CNOT4: variants seen among roughly 807,000 people sequenced by gnomAD.
CNOT4 encodes CCR4-NOT transcription complex subunit 4, also known as CCR4-associated factor 4.
Under a neutral mutation model 73.8 loss-of-function variants are expected in CNOT4, and 8 were observed. That is an observed-to-expected ratio of 0.11 (90% CI 0.06 to 0.20). CNOT4 has a LOEUF of 0.20. CNOT4 is among the 10% of genes least tolerant of loss of function. CNOT4 has a pLI of 1.00. For synonymous variants in CNOT4, 293 were observed against 321.1 expected (o/e 0.91, Z 0.94); for missense variants, 564 against 883.4 (o/e 0.64, Z 4.58).
At chr7:135,466,996 T>G (rs1478379552) in intron 1 of CNOT4, among the ~76,000 whole-genome samples, 1 of 152,218 alleles carries the variant, frequency 6.6e-6, no homozygotes, top group Non-Finnish European at 1.5e-5. Context: ...AAGCGATGCA[T>G]AACTGTACAT....
chr7:135,505,131 A>G (rs1804279231), intron 1 of CNOT4, among the ~76,000 whole-genome samples: 1 of 152,180 alleles, frequency 6.6e-6, no homozygotes, highest in African/African-American at 2.4e-5. Flanking sequence ...TTGAACAGTT[A>G]TCTGACATAC....
intron 1 of CNOT4, among the ~76,000 whole-genome samples, chr7:135,450,851 G>A (rs1403894653): frequency 6.6e-6 from 1 of 152,146 alleles, no homozygotes; most frequent in Non-Finnish European, 1.5e-5. Context: ...GAATGGTCGG[G>A]AGGTCAAGGC....
At chr7:135,481,926 G>A (rs1473360758) in intron 1 of CNOT4, among the ~76,000 whole-genome samples, 1 of 152,186 alleles carries the variant, frequency 6.6e-6, no homozygotes, top group Non-Finnish European at 1.5e-5. Flanking sequence ...ACTAGAGGCT[G>A]CAGAGGGTGG....
chr7:135,434,951 A>G (rs59260984), intron 2 of CNOT4, among the ~76,000 whole-genome samples: 3,158 of 152,236 alleles, frequency 0.021, 114 homozygotes, highest in African/African-American at 0.072. Flanking sequence ...GAATCTTTGC[A>G]TGTGTGAAAA....
At chr7:135,370,059 A>C (rs958401786) in intron 10 of CNOT4, among the ~76,000 whole-genome samples, 2 of 152,232 alleles carry the variant, frequency 1.3e-5, no homozygotes, top group Non-Finnish European at 2.9e-5. Flanking sequence ...AGACATTATA[A>C]AATCAGTTTA....
chr7:135,410,977 G>T (rs1388644100), intron 6 of CNOT4, among the ~76,000 whole-genome samples: 1 of 151,818 alleles, frequency 6.6e-6, no homozygotes, highest in African/African-American at 2.4e-5. Context: ...CTCAAAAAGT[G>T]TAAGGTCCAC....
At position 135,463,544 on chromosome 7, in the gene CNOT4, CAA is replaced by C. The variant is rs34696755; in HGVS notation, c.-92-25123_-92-25122del. Among the ~76,000 whole-genome samples, 176 of 103,728 alleles carry C rather than the reference CAA, an allele frequency of 1.7e-3. No individual in the cohort carries two copies. In the Middle Eastern group the frequency reaches 0.019, roughly 11 times the overall value. The allele number at this position is 103,728 out of a possible 152,430, so 68.0% of individuals were successfully genotyped here. ...GACAGTGAGACTTCATCCCCCCACC[CAA>C]AAAAAAAAAAAAAAACCAACCAACC... On this transcript the variant is annotated intron_variant, in intron 1 of 11. Transcript: ENST00000541284.
chr7:135,405,042 C>G (rs1797205373), intron 7 of CNOT4, among the ~76,000 whole-genome samples: 1 of 152,166 alleles, frequency 6.6e-6, no homozygotes, highest in African/African-American at 2.4e-5. Context: ...TTTACCTCTT[C>G]TAGACTGAAG....
At chr7:135,389,157 CA>C (rs11292254) in intron 10 of CNOT4, among the ~76,000 whole-genome samples, 37,583 of 83,520 alleles carry the variant, frequency 0.45, 4,986 homozygotes, top group Admixed American at 0.56. Context: ...AACATACTAC[CA>C]AAAAAAAAAA....
chr7:135,397,530 T>C (rs1412868945), intron 8 of CNOT4, among the ~76,000 whole-genome samples: 2 of 152,010 alleles, frequency 1.3e-5, no homozygotes. Flanking sequence ...CTGGCTATTC[T>C]TTACGGGAGA....
In CNOT4 at chr7:135,415,167, AT is replaced by A. The variant is rs1242139125; in HGVS notation, c.459+8del. The A allele has an allele frequency of 6.4e-7, 1 of 1,560,086 alleles. No individual in the cohort carries two copies. Among genetic ancestry groups the A allele is most frequent in the South Asian group, 1.1e-5 (1 of 89,402 alleles). On this transcript the variant is annotated splice_region_variant and intron_variant, in intron 4 of 11. Coordinates refer to ENST00000541284, the MANE Select transcript of CNOT4 (RefSeq NM_001190850.2). The stretch of plus-strand genomic sequence containing the variant: ...GGGAGGAAAAGCAAAAATCCCTAAA[AT>A]TAGTTACCTGTGAGCCTGCATATGA...
At chr7:135,432,603 G>A (rs1028288640) in intron 2 of CNOT4, among the ~76,000 whole-genome samples, 2 of 152,168 alleles carry the variant, frequency 1.3e-5, no homozygotes, top group African/African-American at 4.8e-5. Context: ...GGGCACAGCT[G>A]TCATCCTTTC....
At position 135,394,691 on chromosome 7, in the gene CNOT4, C is replaced by T. The variant is rs1253443724; in HGVS notation, c.1130-276G>A. On this transcript the variant is annotated intron_variant, in intron 9 of 11. Transcript: ENST00000541284. ...AAATGTACTTGACACTCCAATTATA[C>T]TCTCAACCATTCATAATCAAAACCA... Among the ~76,000 whole-genome samples the T allele has an allele frequency of 2.0e-5, 3 of 152,176 alleles. No individual in the cohort carries two copies. The South Asian group carries it at 6.2e-4, about 32-fold the overall frequency.
intron 3 of CNOT4, among the ~76,000 whole-genome samples, 167 bp downstream of exon 3, chr7:135,421,989 A>C (rs1378179804): frequency 6.6e-6 from 1 of 152,206 alleles, no homozygotes; most frequent in African/African-American, 2.4e-5. Flanking sequence ...TAAGATCACG[A>C]CTGGTCATTG....
intron 7 of CNOT4, among the ~76,000 whole-genome samples, chr7:135,402,255 G>A (rs926628566): frequency 5.9e-5 from 9 of 151,892 alleles, no homozygotes; most frequent in Non-Finnish European, 1.2e-4. Flanking sequence ...GATTACGGAT[G>A]TATGCCACCA....
At chr7:135,403,088 A>C (rs963431102) in intron 7 of CNOT4, among the ~76,000 whole-genome samples, 8 of 152,250 alleles carry the variant, frequency 5.3e-5, no homozygotes, top group Non-Finnish European at 1.0e-4. Context: ...CATTTTAAAC[A>C]AAATATAAAA....
At chr7:135,398,022 G>A in intron 8 of CNOT4, 147 bp downstream of exon 8, 1 of 651,112 alleles carries the variant, frequency 1.5e-6, no homozygotes, top group Non-Finnish European at 2.7e-6. Flanking sequence ...GGGGGAAAAG[G>A]CTAATTATAA....
chr7:135,454,987 C>T (rs141882669), intron 1 of CNOT4, among the ~76,000 whole-genome samples: 373 of 152,308 alleles, frequency 2.4e-3, no homozygotes, highest in Non-Finnish European at 4.0e-3. Context: ...TGGTCAGCCA[C>T]AGTGGCTCAC....
At chr7:135,503,765 G>GA (rs1030298578) in intron 1 of CNOT4, among the ~76,000 whole-genome samples, 1 of 151,826 alleles carries the variant, frequency 6.6e-6, no homozygotes, top group African/African-American at 2.4e-5. Flanking sequence ...AAAGTTAGAG[G>GA]AAAAAATATA....
Sources: allele counts gnomAD v4.1 joint callset (sites outside exome capture counted in the v4.1 genomes callset), GRCh38; gene constraint gnomAD v4.1.1; transcripts MANE v1.5; gene names NCBI Gene and HGNC (gene_info 2026-07-23, HGNC 2026-07-21).